The following TMEM132B variants were observed in gnomAD, a reference collection of about 807,000 sequenced individuals.
The protein encoded by TMEM132B is transmembrane protein 132B.
TMEM132B carries 18 observed loss-of-function variants against 90.8 expected under a neutral mutation model. That is an observed-to-expected ratio of 0.20 (90% CI 0.14 to 0.29). The LOEUF is 0.29. TMEM132B is among the 10% of genes least tolerant of loss of function. The probability of loss-of-function intolerance (pLI) is 1.00; values close to 1 mark genes in which losing one functional copy is unlikely to be tolerated. For missense variants in TMEM132B, 1,096 were observed against 1,326.8 expected (o/e 0.83, Z 2.70); for synonymous variants, 504 against 523.3 (o/e 0.96, Z 0.50).
rs902170262 is a variant in TMEM132B at position 125,661,459 on chromosome 12, T to C, written c.*6749T>C. On this transcript the variant is annotated 3_prime_UTR_variant, in exon 9 of 9. Coordinates refer to ENST00000682704, the MANE Select transcript of TMEM132B (RefSeq NM_001366854.1). ...CACCTGGAAATGTCCATCGGACATA[T>C]TGCCATCTCAGTTGCTGCAGTGCAG... The C allele has an allele frequency of 6.6e-5, 10 of 152,200 alleles. No individual in the cohort carries two copies. Among genetic ancestry groups the C allele is most frequent in the Admixed American group, 2.6e-4 (4 of 15,278 alleles). The allele number at this position is 152,200 out of a possible 1,614,324, so 9.4% of individuals were successfully genotyped here.
intron 3 of TMEM132B, among the ~76,000 whole-genome samples, chr12:125,427,907 T>C (rs1880367465): frequency 6.6e-6 from 1 of 152,206 alleles, no homozygotes; most frequent in South Asian, 2.1e-4. Flanking sequence ...GCATGATGAC[T>C]TAAAACCAGA....
chr12:125,411,325 A>C (rs1178082617), intron 2 of TMEM132B, among the ~76,000 whole-genome samples: 1 of 144,102 alleles, frequency 6.9e-6, no homozygotes, highest in African/African-American at 2.5e-5. Flanking sequence ...ATACATGGGC[A>C]TAGGGAGGGG....
At chr12:125,425,758 G>C (rs1880299748) in intron 3 of TMEM132B, among the ~76,000 whole-genome samples, 1 of 152,190 alleles carries the variant, frequency 6.6e-6, no homozygotes, top group East Asian at 1.9e-4. Context: ...CAGTTTCCTC[G>C]CTGTCTTTTC....
chr12:125,280,155 G>A (rs1039861944), intron 1 of TMEM132B, among the ~76,000 whole-genome samples: 2 of 152,176 alleles, frequency 1.3e-5, no homozygotes. Context: ...AGGACTCTCC[G>A]TGGATTGGTA....
chr12:125,575,288 T>C (rs546787328), intron 4 of TMEM132B, among the ~76,000 whole-genome samples: 1 of 151,486 alleles, frequency 6.6e-6, no homozygotes, highest in South Asian at 2.1e-4. Context: ...GTGGTATCTC[T>C]TTTTGGTTTA....
At chr12:125,555,384 G>A (rs1195797869) in intron 4 of TMEM132B, among the ~76,000 whole-genome samples, 1 of 151,452 alleles carries the variant, frequency 6.6e-6, no homozygotes, top group Non-Finnish European at 1.5e-5. Context: ...ATGTGGCCCA[G>A]GATATCAGCA....
At chr12:125,516,254 C>A (rs1883161646) in intron 3 of TMEM132B, among the ~76,000 whole-genome samples, 1 of 152,198 alleles carries the variant, frequency 6.6e-6, no homozygotes, top group South Asian at 2.1e-4. Flanking sequence ...GGCTGAAACA[C>A]CGATCCTGAT....
chr12:125,242,434 G>A (rs775562562), intron 1 of TMEM132B, among the ~76,000 whole-genome samples: 18 of 152,110 alleles, frequency 1.2e-4, no homozygotes, highest in Non-Finnish European at 1.8e-4. Flanking sequence ...TTTTATCCTC[G>A]AGGAAACTGA....
At chr12:125,613,464 T>C (rs1885912794) in intron 5 of TMEM132B, among the ~76,000 whole-genome samples, 1 of 151,514 alleles carries the variant, frequency 6.6e-6, no homozygotes, top group Non-Finnish European at 1.5e-5. Context: ...TATTGCTATG[T>C]TTGAATTTAC....
chr12:125,313,313 A>G (rs1433574675), intron 1 of TMEM132B, among the ~76,000 whole-genome samples: 1 of 152,102 alleles, frequency 6.6e-6, no homozygotes, highest in African/African-American at 2.4e-5. Context: ...GATAGACGCA[A>G]TTCCTAGATG....
chr12:125,560,959 T>C (rs1040094246), intron 4 of TMEM132B, among the ~76,000 whole-genome samples: 8 of 149,632 alleles, frequency 5.3e-5, no homozygotes, highest in Non-Finnish European at 1.2e-4. Flanking sequence ...TGGAAGACAG[T>C]GTGGCAATTC....
At chr12:125,288,235 T>C (rs904980017) in intron 1 of TMEM132B, among the ~76,000 whole-genome samples, 1 of 148,526 alleles carries the variant, frequency 6.7e-6, no homozygotes, top group Non-Finnish European at 1.5e-5. Context: ...GAGGCTGAGG[T>C]GGGCGGATCA....
intron 2 of TMEM132B, among the ~76,000 whole-genome samples, chr12:125,367,627 T>A (rs1878173310): frequency 6.6e-6 from 1 of 152,174 alleles, no homozygotes; most frequent in East Asian, 1.9e-4. Flanking sequence ...CAATAATAAC[T>A]GCATTATTCT....
At chr12:125,579,670 T>G (rs1885010397) in intron 4 of TMEM132B, among the ~76,000 whole-genome samples, 1 of 152,148 alleles carries the variant, frequency 6.6e-6, no homozygotes, top group Non-Finnish European at 1.5e-5. Flanking sequence ...CCTTTCATAC[T>G]TTCTTTTAGT....
intron 4 of TMEM132B, among the ~76,000 whole-genome samples, chr12:125,564,689 C>T (rs1353650445): frequency 3.3e-5 from 5 of 152,182 alleles, no homozygotes; most frequent in Admixed American, 2.0e-4. Context: ...TTCACCAGCA[C>T]TTACCACTTT....
intron 3 of TMEM132B, among the ~76,000 whole-genome samples, chr12:125,505,393 A>G (rs893126892): frequency 6.6e-6 from 1 of 152,040 alleles, no homozygotes; most frequent in Non-Finnish European, 1.5e-5. Flanking sequence ...AACATATAAT[A>G]TCTGAAATAA....
intron 2 of TMEM132B, among the ~76,000 whole-genome samples, chr12:125,367,066 A>T (rs1878156025): frequency 6.6e-6 from 1 of 152,086 alleles, no homozygotes; most frequent in Admixed American, 6.6e-5. Flanking sequence ...CTTTTTATTC[A>T]TTAAGAGCGT....
At chr12:125,651,674 A>G (rs1325257817) in intron 7 of TMEM132B, among the ~76,000 whole-genome samples, 1 of 152,192 alleles carries the variant, frequency 6.6e-6, no homozygotes, top group Non-Finnish European at 1.5e-5. Flanking sequence ...TCTGCAGGTC[A>G]GGCATCTGTG....
chr12:125,636,623 G>A (rs1353583132), intron 5 of TMEM132B, among the ~76,000 whole-genome samples: 3 of 152,152 alleles, frequency 2.0e-5, no homozygotes, highest in Admixed American at 2.0e-4. Context: ...TCCGGGTAGA[G>A]CTTTCTGTTT....
Sources: allele counts gnomAD v4.1 joint callset (sites outside exome capture counted in the v4.1 genomes callset), GRCh38; gene constraint gnomAD v4.1.1; transcripts MANE v1.5; gene names NCBI Gene and HGNC (gene_info 2026-07-23, HGNC 2026-07-21).